Variants in PTPRG observed in about 807,000 individuals in gnomAD.
PTPRG encodes receptor-type tyrosine-protein phosphatase gamma.
PTPRG carries 102 observed loss-of-function variants against 165.3 expected under a neutral mutation model. That is an observed-to-expected ratio of 0.62 (90% CI 0.53 to 0.73). The LOEUF is 0.73. Ranked by LOEUF, PTPRG falls within the 30% of genes least tolerant of loss-of-function variation. The pLI is 0.00. For synonymous variants in PTPRG, 675 were observed against 669.5 expected, an observed-to-expected ratio of 1.01 and a Z score of -0.13; for missense variants, 1,866 against 1,861.4, an observed-to-expected ratio of 1.00 and a Z score of -0.05.
At chr3:62,103,479 C>G (rs1044552177) in intron 5 of PTPRG, among the ~76,000 whole-genome samples, 1 of 152,172 alleles carries the variant, frequency 6.6e-6, no homozygotes, top group African/African-American at 2.4e-5. Flanking sequence ...GTTTTTAAAC[C>G]TTTTTCCTGT....
chr3:61,801,797 G>A (rs1160653286), intron 2 of PTPRG, among the ~76,000 whole-genome samples: 4 of 152,060 alleles, frequency 2.6e-5, no homozygotes, highest in Admixed American at 2.6e-4. Flanking sequence ...AGGCCCAGAG[G>A]GCCGGATGCC....
At chr3:62,041,151 T>G (rs1700115930) in intron 4 of PTPRG, among the ~76,000 whole-genome samples, 1 of 152,216 alleles carries the variant, frequency 6.6e-6, no homozygotes, top group Admixed American at 6.5e-5. Flanking sequence ...TTTTCTATTC[T>G]CGGCACTTAC....
At chr3:61,953,014 A>T (rs79400121) in intron 2 of PTPRG, among the ~76,000 whole-genome samples, 3 of 152,170 alleles carry the variant, frequency 2.0e-5, no homozygotes, top group African/African-American at 7.2e-5. Flanking sequence ...GTGGCTTCCA[A>T]TAGGTCTCAG....
At chr3:61,869,684 T>C (rs1229143798) in intron 2 of PTPRG, among the ~76,000 whole-genome samples, 1 of 152,062 alleles carries the variant, frequency 6.6e-6, no homozygotes, top group Non-Finnish European at 1.5e-5. Flanking sequence ...GCTTAACTGA[T>C]CTTCCCCCCT....
intron 4 of PTPRG, among the ~76,000 whole-genome samples, chr3:62,053,976 T>G (rs1204957239): frequency 6.6e-6 from 1 of 152,194 alleles, no homozygotes; most frequent in Middle Eastern, 3.2e-3. Flanking sequence ...TATACATGTG[T>G]ATACACCCTG....
intron 4 of PTPRG, among the ~76,000 whole-genome samples, chr3:62,016,250 C>T (rs919934708): frequency 2.0e-5 from 3 of 152,160 alleles, no homozygotes; most frequent in African/African-American, 7.2e-5. Flanking sequence ...TCACTGCAAC[C>T]TCCGCCTCCC....
chr3:61,765,154 G>A (rs768420629), intron 2 of PTPRG, among the ~76,000 whole-genome samples: 1 of 152,214 alleles, frequency 6.6e-6, no homozygotes, highest in Non-Finnish European at 1.5e-5. Context: ...GTTGTGCACA[G>A]TGGCTAAGGT....
chr3:62,286,708 A>AGTG (rs1702678201), intron 28 of PTPRG, among the ~76,000 whole-genome samples: 1 of 152,152 alleles, frequency 6.6e-6, no homozygotes, highest in Admixed American at 6.6e-5. Context: ...CTTTTAATGG[A>AGTG]GCCCTTAGAG....
chr3:61,912,868 AT>A (rs888271428), intron 2 of PTPRG, among the ~76,000 whole-genome samples: 17 of 150,616 alleles, frequency 1.1e-4, no homozygotes, highest in African/African-American at 3.4e-4. Flanking sequence ...TTTAGGTTTT[AT>A]TTTTTTTTCA....
intron 16 of PTPRG, among the ~76,000 whole-genome samples, chr3:62,258,687 A>G (rs1388611): frequency 0.3 from 44,975 of 152,046 alleles, 7,453 homozygotes; most frequent in African/African-American, 0.45. Flanking sequence ...GTTCTTGTCA[A>G]ATAAATTCTA....
At chr3:61,802,023 T>C (rs2035262250) in intron 2 of PTPRG, among the ~76,000 whole-genome samples, 1 of 91,780 alleles carries the variant, frequency 1.1e-5, no homozygotes, top group South Asian at 3.6e-4. Flanking sequence ...AGACTCCATC[T>C]CAAAAAAAAA....
rs560758082 is a variant in PTPRG at position 61,896,488 on chromosome 3, A to G, written c.191-93137A>G. 1.7e-4 allele frequency among the ~76,000 whole-genome samples: 26 copies of G among 152,296 alleles called. No individual in the cohort carries two copies. The South Asian group carries it at 5.2e-3, about 30-fold the overall frequency. On this transcript the variant is annotated intron_variant, in intron 2 of 29. Transcript: ENST00000474889. ...TCTGGACTGATTCCAGTTTTTGGCTATTACAGATAAAGCTGCTGGGAACAT... is the reference window on the plus strand; with the variant it reads ...TCTGGACTGATTCCAGTTTTTGGCTGTTACAGATAAAGCTGCTGGGAACAT...
At chr3:62,182,234 T>TC (rs1705684095) in intron 8 of PTPRG, among the ~76,000 whole-genome samples, 1 of 152,176 alleles carries the variant, frequency 6.6e-6, no homozygotes, top group Non-Finnish European at 1.5e-5. Context: ...ACTTATAAAT[T>TC]GACCCATGCA....
At chr3:61,891,811 A>C (rs1254683721) in intron 2 of PTPRG, among the ~76,000 whole-genome samples, 1 of 152,198 alleles carries the variant, frequency 6.6e-6, no homozygotes, top group Admixed American at 6.5e-5. Context: ...TAATGAAGAT[A>C]GTCTGTGTAA....
intron 5 of PTPRG, among the ~76,000 whole-genome samples, chr3:62,111,315 C>T (rs1351822741): frequency 6.6e-6 from 1 of 152,196 alleles, no homozygotes; most frequent in African/African-American, 2.4e-5. Flanking sequence ...AGGAGCAGTA[C>T]TCCTGGAAGA....
Position 61,609,674 on chromosome 3 carries a change from C to T in PTPRG, c.85+47302C>T, listed in dbSNP as rs79718520. On this transcript the variant is annotated intron_variant, in intron 1 of 29. Transcript: ENST00000474889. Reference sequence around the variant, plus strand: ...GAGTTTGAGACTAGCCTGGGCAATACGGCAAAACCGCCCTCTACACAAAAT... The same window carrying T: ...GAGTTTGAGACTAGCCTGGGCAATATGGCAAAACCGCCCTCTACACAAAAT... Among the ~76,000 whole-genome samples the T allele has an allele frequency of 4.5e-4, 68 of 150,428 alleles. 1 individual carries two copies. In the East Asian group the frequency reaches 7.2e-3, roughly 16 times the overall value.
In PTPRG at chr3:61,574,517, C is replaced by T. The variant is rs371684563; in HGVS notation, c.85+12145C>T. 2.1e-3 allele frequency among the ~76,000 whole-genome samples: 314 copies of T among 152,156 alleles called. 3 individuals are homozygous for T. Among genetic ancestry groups the T allele is most frequent in the African/African-American group, 6.4e-3 (265 of 41,520 alleles). On this transcript the variant is annotated intron_variant, in intron 1 of 29. Transcript: ENST00000474889. Reference sequence around the variant, plus strand: ...CTTATTTACATGTGTGTAAAGGTTACGAGTGGAGGGTGCAGAAAATCTCTT... The same window carrying T: ...CTTATTTACATGTGTGTAAAGGTTATGAGTGGAGGGTGCAGAAAATCTCTT...
At chr3:61,694,926 A>G (rs1338785711) in intron 1 of PTPRG, among the ~76,000 whole-genome samples, 1 of 152,160 alleles carries the variant, frequency 6.6e-6, no homozygotes, top group Non-Finnish European at 1.5e-5. Context: ...TTGGAAGGAT[A>G]TGGAAGAACT....
chr3:61,786,719 G>A (rs1319671380), intron 2 of PTPRG, among the ~76,000 whole-genome samples: 1 of 151,954 alleles, frequency 6.6e-6, no homozygotes, highest in Non-Finnish European at 1.5e-5. Flanking sequence ...TAAGACGCCA[G>A]AAATGACATA....
Sources: gnomAD v4.1 joint callset for allele counts (sites outside exome capture counted in the v4.1 genomes callset) on GRCh38, gnomAD v4.1.1 for gene constraint, MANE v1.5 for transcripts, NCBI Gene and HGNC (gene_info 2026-07-23, HGNC 2026-07-21) for gene names.